The following EP400 variants were observed in gnomAD, a reference collection of about 807,000 sequenced individuals.
EP400 encodes E1A binding protein p400.
EP400 carries 105 observed loss-of-function variants against 354.1 expected under a neutral mutation model. The ratio of observed to expected loss-of-function variants is 0.30; its 90% CI spans 0.25 to 0.35. EP400 has a LOEUF of 0.35. EP400 is among the 10% of genes least tolerant of loss of function. The pLI is 1.00. For synonymous variants in EP400, 1,646 were observed against 1,716.9 expected, an observed-to-expected ratio of 0.96 and a Z score of 1.02; for missense variants, 3,280 against 4,121.0, an observed-to-expected ratio of 0.80 and a Z score of 5.59.
At chr12:132,058,842 A>G (rs1895600630) in intron 45 of EP400, among the ~76,000 whole-genome samples, 2 of 148,876 alleles carry the variant, frequency 1.3e-5, no homozygotes, top group South Asian at 2.1e-4. Flanking sequence ...GCTGGAGTGC[A>G]GGGGTACAAT....
chr12:132,015,970 C>A (rs990053831), intron 19 of EP400, among the ~76,000 whole-genome samples: 1 of 152,162 alleles, frequency 6.6e-6, no homozygotes, highest in African/African-American at 2.4e-5. Context: ...GCTGCCAGAC[C>A]AGACTCCCTA....
rs887919162 is a variant in EP400, at chr12:131,950,849, G to A, written c.-36+813G>A. On this transcript the variant is annotated intron_variant, in intron 1 of 52. Transcript: ENST00000389561. ...GCTCACTAGAGCCTCGACCTCCCGA[G>A]TGGTTGGGACCAAAGGCTTGGGCCA... is the stretch of plus-strand genomic sequence containing the variant. Among the ~76,000 whole-genome samples the A allele has an allele frequency of 2.0e-5, 3 of 152,212 alleles. No homozygotes were observed. In the East Asian group the frequency reaches 5.8e-4, roughly 29 times the overall value.
At chr12:132,064,543 G>A in intron 47 of EP400, 125 bp from the exon 48 acceptor site, 1 of 1,313,984 alleles carries the variant, frequency 7.6e-7, no homozygotes, top group South Asian at 1.4e-5. Context: ...TCTGGATGCT[G>A]CACGGTAGCA....
At chr12:132,062,397 G>A (rs1895725711) in intron 46 of EP400, 69 bp from the exon 47 acceptor site, 1 of 1,610,024 alleles carries the variant, frequency 6.2e-7, no homozygotes, top group African/African-American at 1.3e-5. Flanking sequence ...GCTGCTTGCT[G>A]TCTGAGAATG....
intron 3 of EP400, 52 bp from the exon 4 acceptor site, chr12:131,981,437 T>A (rs1158531240): frequency 2.8e-6 from 4 of 1,425,036 alleles, no homozygotes; most frequent in Non-Finnish European, 3.8e-6. Flanking sequence ...TTCTACTACT[T>A]CTCTGGTTTT....
In EP400 at chr12:131,979,791, C is replaced by T. The variant is rs750679478; in HGVS notation, c.1433C>T (p.Ala478Val). Residue 478 changes from alanine to valine, a missense_variant and splice_region_variant, in exon 3 of 53, where the codon GCA (alanine) becomes GTA (valine). By Grantham distance (64) the Ala-to-Val change is moderately conservative. This residue lies in a region of EP400 where 800 missense variants were observed against 840.0 expected (regional missense o/e 0.95). Transcript: ENST00000389561. ...RQQAMPSTGM[A>V]EQSKRPRLEV... The stretch of plus-strand genomic sequence containing the variant: ...CAGGCGATGCCCTCCACAGGTATGG[C>T]AGGTACGTCGGCACGGCTAGCGTGG... 2 of 1,604,166 alleles carry T rather than the reference C, an allele frequency of 1.2e-6. No individual in the cohort carries two copies.
At chr12:131,951,288 G>A (rs933960054) in intron 1 of EP400, among the ~76,000 whole-genome samples, 5 of 151,408 alleles carry the variant, frequency 3.3e-5, no homozygotes, top group Admixed American at 3.3e-4. Flanking sequence ...CTGAGCTCAG[G>A]CAGTCCGCCC....
intron 16 of EP400, among the ~76,000 whole-genome samples, chr12:132,012,619 AG>A (rs1177275457): frequency 1.3e-5 from 2 of 152,216 alleles, no homozygotes; most frequent in Admixed American, 6.5e-5. Context: ...GTTTTTAAAA[AG>A]TGTATAATGC....
intron 19 of EP400, among the ~76,000 whole-genome samples, 179 bp downstream of exon 19, chr12:132,014,092 C>T (rs1893847077): frequency 6.6e-6 from 1 of 152,246 alleles, no homozygotes; most frequent in Non-Finnish European, 1.5e-5. Flanking sequence ...CCAGCTGTTT[C>T]AGGCTCATGC....
chr12:132,076,154 C>G, intron 51 of EP400: 1 of 375,840 alleles, frequency 2.7e-6, no homozygotes, highest in Non-Finnish European at 5.2e-6. Flanking sequence ...TCGTCCAGGC[C>G]TGTCATATGC....
At chr12:131,955,021 T>C (rs1261414019) in intron 1 of EP400, among the ~76,000 whole-genome samples, 1 of 152,012 alleles carries the variant, frequency 6.6e-6, no homozygotes, top group African/African-American at 2.4e-5. Flanking sequence ...AGACCTTATG[T>C]CAAAAAAAGA....
intron 51 of EP400, among the ~76,000 whole-genome samples, chr12:132,074,409 C>T (rs1475300900): frequency 4.6e-5 from 7 of 151,810 alleles, no homozygotes; most frequent in Admixed American, 3.3e-4. Context: ...TCTCCCCCAC[C>T]GTCTGCCTGT....
intron 12 of EP400, among the ~76,000 whole-genome samples, chr12:132,000,813 C>T (rs1893382719): frequency 6.6e-6 from 1 of 152,242 alleles, no homozygotes; most frequent in Non-Finnish European, 1.5e-5. Flanking sequence ...TGTTTTAAGA[C>T]ATTCCCAATG....
chr12:132,047,278 T>G (rs1284597568), intron 39 of EP400, among the ~76,000 whole-genome samples: 1 of 152,166 alleles, frequency 6.6e-6, no homozygotes, highest in Non-Finnish European at 1.5e-5. Context: ...TTAATTAGGT[T>G]TTCTGTGTTT....
chr12:132,017,648 C>T lies in EP400; in HGVS notation c.4037C>T (p.Ser1346Phe), dbSNP rs1227066405. 2 of 1,603,702 alleles carry T rather than the reference C, an allele frequency of 1.2e-6. No homozygotes were observed. The highest frequency in any genetic ancestry group is 1.1e-5 in the South Asian group (1 of 90,224). The change falls in exon 20 of 53, where the codon TCC (serine) becomes TTC (phenylalanine). Residue 1346 changes from serine to phenylalanine, a missense_variant. By Grantham distance (155) the Ser-to-Phe change is radical (BLOSUM62 -2). This residue lies in a region of EP400 where 342 missense variants were observed against 342.7 expected (regional missense o/e 1.00). Coordinates refer to ENST00000389561, the MANE Select transcript of EP400 (RefSeq NM_015409.5). This position sits in a 1 kb window ranked among gnomAD's most constrained non-coding sequence, Gnocchi z 5.0. Reference protein sequence around the residue: ...GLVEPRHPGSSYVAGPLEYPS... With the variant: ...GLVEPRHPGSFYVAGPLEYPS... ...GTCGAGCCCCGGCACCCAGGCTCTT[C>T]CTACGTGGCGGGGCCACTGGAGTAT...
chr12:131,978,753 T>G (rs923730409), intron 2 of EP400, among the ~76,000 whole-genome samples: 1 of 152,124 alleles, frequency 6.6e-6, no homozygotes, highest in Non-Finnish European at 1.5e-5. Context: ...CCTCAAGCGA[T>G]CCTCCCACCT....
intron 30 of EP400, 50 bp from the exon 31 acceptor site, chr12:132,037,632 C>A: frequency 1.4e-6 from 2 of 1,466,294 alleles, no homozygotes; most frequent in South Asian, 1.1e-5. Context: ...CACCTGTTGT[C>A]ACTGTGTTTC....
chr12:132,044,425 T>C, intron 35 of EP400, 114 bp downstream of exon 35: 1 of 1,407,036 alleles, frequency 7.1e-7, no homozygotes, highest in Non-Finnish European at 9.5e-7. Context: ...TGCCTAGGAA[T>C]TTTTACTTCT....
chr12:131,986,686 C>G lies in EP400; in HGVS notation c.2102C>G (p.Pro701Arg). The change falls in exon 6 of 53, where the codon CCA becomes CGA. Residue 701 changes from proline (P) to arginine (R), a missense_variant. This residue lies in a region of EP400 where 800 missense variants were observed against 840.0 expected (regional missense o/e 0.95). Transcript: ENST00000389561. Reference sequence around the variant, plus strand: ...TCAGCCACCAATAAGGCACTATCTCCAGTCACTTCCCGGACCCCAGGGGTG... The same window carrying G: ...TCAGCCACCAATAAGGCACTATCTCGAGTCACTTCCCGGACCCCAGGGGTG... ...PSSATNKALS[P>R]VTSRTPGVVA... 1 of 1,614,214 alleles carries G rather than the reference C, an allele frequency of 6.2e-7. No homozygotes were observed. The highest frequency in any genetic ancestry group is 8.5e-7 in the Non-Finnish European group (1 of 1,180,036).
Sources: gnomAD v4.1 joint callset for allele counts (sites outside exome capture counted in the v4.1 genomes callset) on GRCh38, gnomAD v4.1.1 for gene constraint, gnomAD v4.1.1 regional missense constraint, Gnocchi (gnomAD v3.1) non-coding constraint, MANE v1.5 for transcripts, NCBI Gene and HGNC (gene_info 2026-07-23, HGNC 2026-07-21) for gene names.